The following TRPV1 variants were observed in gnomAD, a reference collection of about 807,000 sequenced individuals.
TRPV1 encodes transient receptor potential cation channel subfamily V member 1, also known as OTRPC1.
TRPV1 carries 82 observed loss-of-function variants against 82.3 expected under a neutral mutation model. That is an observed-to-expected ratio of 1.00 (90% CI 0.83 to 1.20). The LOEUF is 1.20. Ranked by LOEUF, TRPV1 falls within the 50% of genes most tolerant of loss-of-function variation. The pLI, the probability that TRPV1 is intolerant of heterozygous loss-of-function variation, is 0.00. For missense variants in TRPV1, 1,067 were observed against 1,096.8 expected (o/e 0.97, Z 0.38); for synonymous variants, 515 against 467.7 (o/e 1.10, Z -1.30).
At chr17:3,601,284 A>G (rs892573237) in intron 2 of TRPV1, among the ~76,000 whole-genome samples, 2 of 151,380 alleles carry the variant, frequency 1.3e-5, no homozygotes, top group African/African-American at 4.9e-5. Flanking sequence ...AACCTCCCAC[A>G]ACCCCTCACC....
chr17:3,601,171 C>T (rs772528842), intron 2 of TRPV1, among the ~76,000 whole-genome samples: 75 of 152,230 alleles, frequency 4.9e-4, no homozygotes, highest in African/African-American at 1.7e-3. Flanking sequence ...CTCTCCTTCT[C>T]GGCCCTCCCT....
chr17:3,574,452 C>T (rs2074902732), intron 13 of TRPV1, among the ~76,000 whole-genome samples: 1 of 152,208 alleles, frequency 6.6e-6, no homozygotes, highest in Non-Finnish European at 1.5e-5. Flanking sequence ...GGCCTAGTCC[C>T]TTCCTGTACC....
chr17:3,594,030 A>G (rs2075192812), intron 2 of TRPV1, among the ~76,000 whole-genome samples: 1 of 147,808 alleles, frequency 6.8e-6, no homozygotes, highest in South Asian at 2.2e-4. Flanking sequence ...CGGGAGGCTG[A>G]GGCAGGAGAA....
intron 2 of TRPV1, among the ~76,000 whole-genome samples, chr17:3,595,257 C>T (rs922660423): frequency 5.9e-5 from 9 of 152,132 alleles, no homozygotes; most frequent in Admixed American, 2.6e-4. Context: ...AATACTTCAC[C>T]GATGAGGAGA....
intron 2 of TRPV1, among the ~76,000 whole-genome samples, chr17:3,593,539 G>A (rs1340987334): frequency 6.6e-6 from 1 of 151,918 alleles, no homozygotes; most frequent in East Asian, 1.9e-4. Flanking sequence ...ATTCCCATCG[G>A]GTCTCCACCT....
intron 2 of TRPV1, among the ~76,000 whole-genome samples, chr17:3,602,995 C>T (rs1359085553): frequency 6.6e-6 from 1 of 152,108 alleles, no homozygotes; most frequent in Non-Finnish European, 1.5e-5. Flanking sequence ...GTGGTGCATG[C>T]CTGTAATCCC....
In TRPV1 at chr17:3,566,727, G is replaced by C; in HGVS notation, c.*88C>G. 1 of 1,503,782 alleles carries C rather than the reference G, an allele frequency of 6.6e-7. No individual in the cohort carries two copies. The highest frequency in any genetic ancestry group is 1.3e-5 in the South Asian group (1 of 77,734). The allele number at this position is 1,503,782 out of a possible 1,614,324, so 93.2% of individuals were successfully genotyped here. A position where few individuals can be genotyped will look rare whatever the true frequency, so the allele number is the denominator to read the frequency against. Reference sequence around the variant, plus strand: ...CAGGCACAGACCAGGCCAGGCTGCTGACAGAGCACTGGTGTTCCCTCAGCA... The same window carrying C: ...CAGGCACAGACCAGGCCAGGCTGCTCACAGAGCACTGGTGTTCCCTCAGCA... On this transcript the variant is annotated 3_prime_UTR_variant, in exon 17 of 17. Coordinates refer to ENST00000572705, the MANE Select transcript of TRPV1 (RefSeq NM_080704.4).
Position 3,573,894 on chromosome 17 carries a change from G to T in TRPV1, c.1842C>A (p.His614Gln). 1 of 1,610,926 alleles carries T rather than the reference G, an allele frequency of 6.2e-7. No homozygotes were observed. Among genetic ancestry groups the T allele is most frequent in the Non-Finnish European group, 8.5e-7 (1 of 1,179,266 alleles). Residue 614 changes from histidine to glutamine, a missense_variant, in exon 14 of 17, where the codon CAC becomes CAA. Physicochemically the swap from His to Gln is conservative, Grantham distance 24. Transcript: ENST00000572705. ...GCCTGCAGGCAGGCCCCCGCCACCT[G>T]TGCGACGTGGACTCAGACGGCAGGG... ...NDSLPSESTS[H>Q]RWRGPACRPP...
At chr17:3,597,887 C>T (rs1006601123) in intron 2 of TRPV1, among the ~76,000 whole-genome samples, 6 of 151,996 alleles carry the variant, frequency 3.9e-5, no homozygotes, top group Non-Finnish European at 7.4e-5. Context: ...TTGGCCAGGC[C>T]GGTCTTGAAC....
rs762081731 is a variant in TRPV1 at position 3,577,613 on chromosome 17, G to A, written c.1698C>T (p.Ala566=). Reference sequence around the variant, plus strand: ...GGGAACCCACCTTCTCTATCATGACGGCATAGATGCCCATCTGCTGGAAAC... The same window carrying A: ...GGGAACCCACCTTCTCTATCATGACAGCATAGATGCCCATCTGCTGGAAAC... ...TRGFQQMGIY[A]VMIEKMILRD... The change falls in exon 12 of 17, where the codon GCC becomes GCT. Residue 566 remains alanine (A), a synonymous_variant. Transcript: ENST00000572705. The A allele has an allele frequency of 7.0e-6, 11 of 1,579,780 alleles. No homozygotes were observed. In the East Asian group the frequency reaches 7.0e-5, roughly 10 times the overall value.
intron 2 of TRPV1, among the ~76,000 whole-genome samples, chr17:3,598,139 C>T (rs1287345190): frequency 2.6e-5 from 4 of 152,250 alleles, no homozygotes; most frequent in African/African-American, 9.6e-5. Context: ...TCTAGGTATG[C>T]ATCCAGGCTG....
chr17:3,601,586 T>C (rs1014094285), intron 2 of TRPV1, among the ~76,000 whole-genome samples: 3 of 151,846 alleles, frequency 2.0e-5, no homozygotes, highest in African/African-American at 7.3e-5. Context: ...GGCCCCAGCA[T>C]AAAGAGCTCA....
chr17:3,568,057 T>C (rs1341387900), intron 16 of TRPV1, among the ~76,000 whole-genome samples: 1 of 152,104 alleles, frequency 6.6e-6, no homozygotes, highest in Admixed American at 6.6e-5. Context: ...GCGCGGTGGC[T>C]CACGCCTGTA....
intron 2 of TRPV1, among the ~76,000 whole-genome samples, chr17:3,593,984 C>T (rs1303731305): frequency 1.3e-5 from 2 of 151,816 alleles, no homozygotes; most frequent in South Asian, 2.1e-4. Context: ...AAAAATTAGC[C>T]GGGCGTGGTG....
chr17:3,580,308 C>T (rs1291135896), intron 11 of TRPV1, 149 bp downstream of exon 11: 7 of 785,730 alleles, frequency 8.9e-6, no homozygotes, highest in African/African-American at 3.4e-5. Flanking sequence ...ATTCATCCCC[C>T]GAGTATGTAT....
intron 14 of TRPV1, 59 bp downstream of exon 14, chr17:3,573,574 C>T: frequency 1.3e-6 from 1 of 762,852 alleles, no homozygotes; most frequent in East Asian, 8.1e-5. Flanking sequence ...TGTAAGACAG[C>T]AGACAGAGCC....
intron 5 of TRPV1, 102 bp downstream of exon 5, chr17:3,590,862 G>T: frequency 7.0e-7 from 1 of 1,433,786 alleles, no homozygotes; most frequent in Non-Finnish European, 9.2e-7. Context: ...CTGGGACAGG[G>T]AGTAAGGATC....
chr17:3,599,632 CTT>C (rs34701684), intron 2 of TRPV1, among the ~76,000 whole-genome samples: 8 of 141,542 alleles, frequency 5.7e-5, no homozygotes, highest in Non-Finnish European at 7.6e-5. Context: ...TTTTTCTTTT[CTT>C]TTTTTTTTTT....
At position 3,566,799 on chromosome 17, in the gene TRPV1, T is replaced by C. The variant is rs781314691; in HGVS notation, c.*16A>G. The C allele has an allele frequency of 6.2e-7, 1 of 1,612,318 alleles. No homozygotes were observed. The highest frequency in any genetic ancestry group is 1.1e-5 in the South Asian group (1 of 90,916). On this transcript the variant is annotated 3_prime_UTR_variant, in exon 17 of 17. Transcript: ENST00000572705. ...TCCTAAGGCCCAGTGTTGACAGTGCTGTCTGCGTGACGTCCTCACTTCTCC... is the reference window on the plus strand; with the variant it reads ...TCCTAAGGCCCAGTGTTGACAGTGCCGTCTGCGTGACGTCCTCACTTCTCC...
Sources: gnomAD v4.1 joint callset for allele counts (sites outside exome capture counted in the v4.1 genomes callset) on GRCh38, gnomAD v4.1.1 for gene constraint, MANE v1.5 for transcripts, NCBI Gene and HGNC (gene_info 2026-07-23, HGNC 2026-07-21) for gene names.